Variants in DGKH observed in about 807,000 individuals in gnomAD.
DGKH encodes DAG kinase eta.
DGKH carries 90 observed loss-of-function variants against 159.3 expected under a neutral mutation model. That is an observed-to-expected ratio of 0.57 (90% CI 0.48 to 0.67). The LOEUF (loss-of-function observed/expected upper bound fraction) is 0.67. Among genes scored for constraint, DGKH ranks in the 30% least tolerant of loss-of-function variants. The pLI, the probability that DGKH is intolerant of heterozygous loss-of-function variation, is 0.00. For synonymous variants in DGKH, 536 were observed against 553.8 expected (o/e 0.97, Z 0.45); for missense variants, 1,181 against 1,506.1 (o/e 0.78, Z 3.57).
chr13:42,157,290 C>T (rs1221534792), intron 5 of DGKH, among the ~76,000 whole-genome samples: 1 of 152,108 alleles, frequency 6.6e-6, no homozygotes, highest in Non-Finnish European at 1.5e-5. Flanking sequence ...TTACTAAAAT[C>T]TTTATTCCAA....
chr13:42,086,928 G>A (rs1269288719), intron 1 of DGKH, among the ~76,000 whole-genome samples: 1 of 152,092 alleles, frequency 6.6e-6, no homozygotes, highest in Non-Finnish European at 1.5e-5. Context: ...AGAGAGTTGG[G>A]AACCACACAG....
At chr13:42,245,640 C>T (rs60635188), downstream of DGKH, among the ~76,000 whole-genome samples, 14,655 of 151,934 alleles carry the variant, frequency 0.096, 780 homozygotes, top group Non-Finnish European at 0.11. Context: ...GGCTGGAGTG[C>T]AGTGGTGTGA....
At position 42,108,472 on chromosome 13, in the gene DGKH, A is replaced by G. The variant is rs568136064; in HGVS notation, c.193-18991A>G. On this transcript the variant is annotated intron_variant, in intron 1 of 29. Coordinates refer to ENST00000337343, the MANE Select transcript of DGKH (RefSeq NM_178009.5). ...TGAATTCATTTGGAATTCCGTATAG[A>G]GTGACTTTTACCCAGTGCCGTGTAG... 4.6e-5 allele frequency among the ~76,000 whole-genome samples: 7 copies of G among 152,300 alleles called. No individual in the cohort carries two copies. In the South Asian group the frequency reaches 1.2e-3, roughly 27 times the overall value.
Position 42,219,741 on chromosome 13 carries a change from TGCCA to T in DGKH, c.3390_3393del (p.Pro1131SerfsTer70). On this transcript the variant is annotated frameshift_variant, in exon 28 of 30. Transcript: ENST00000337343. LOFTEE classifies it high-confidence loss of function. ...AACAGAAGCACCGTATTTCGAATAGTGCCAAAGTTTAAAAAGGAAAAGGTTCAGA... is the reference window on the plus strand; with the variant it reads ...AACAGAAGCACCGTATTTCGAATAGTAAGTTTAAAAAGGAAAAGGTTCAGA... The T allele has an allele frequency of 1.2e-6, 2 of 1,613,768 alleles. No homozygotes were observed. Among genetic ancestry groups the T allele is most frequent in the Non-Finnish European group, 1.7e-6 (2 of 1,179,816 alleles).
At position 42,219,823 on chromosome 13, in the gene DGKH, T is replaced by C. The variant is rs551630938; in HGVS notation, c.3442+29T>C. ...GGTGGTCCATATGGAAGGGGAAATA[T>C]AACATTATGAAAAAAGAGCTGATTA... On this transcript the variant is annotated intron_variant, in intron 28 of 29. Transcript: ENST00000337343. 15 of 1,587,668 alleles carry C rather than the reference T, an allele frequency of 9.4e-6. No homozygotes were observed. The African/African-American group carries it at 1.1e-4, about 11-fold the overall frequency.
rs1486097925 is a variant in DGKH at position 42,182,587 on chromosome 13, C to T, written c.1538+4367C>T. On this transcript the variant is annotated intron_variant, in intron 13 of 29. Transcript: ENST00000337343. ...ATTTGCTATGTAAATAGTTGTTATA[C>T]TGTATTGTTCAGGGAATGATGACAA... Among the ~76,000 whole-genome samples, 5 of 152,256 alleles carry T rather than the reference C, an allele frequency of 3.3e-5. No homozygotes were observed. In the South Asian group the frequency reaches 1.0e-3, roughly 32 times the overall value.
chr13:42,177,815 C>T (rs1044755378), intron 12 of DGKH, among the ~76,000 whole-genome samples: 2 of 151,816 alleles, frequency 1.3e-5, no homozygotes, highest in Admixed American at 1.3e-4. Context: ...AGTCTTTTGC[C>T]CAATTTTTAT....
rs1361299738 is a variant in DGKH at position 42,220,689 on chromosome 13, T to A, written c.3443-575T>A. ...TGAAAATAACGTAATCCAACTAATG[T>A]CAGAGAGCAGTGCTATGGACTTTTT... On this transcript the variant is annotated intron_variant, in intron 28 of 29. Coordinates refer to ENST00000337343, the MANE Select transcript of DGKH (RefSeq NM_178009.5). 3.9e-5 allele frequency among the ~76,000 whole-genome samples: 6 copies of A among 152,206 alleles called. No individual in the cohort carries two copies. The East Asian group carries it at 9.6e-4, about 24-fold the overall frequency.
chr13:42,189,488 T>G (rs934774380), intron 15 of DGKH, among the ~76,000 whole-genome samples, 179 bp downstream of exon 15: 1 of 152,144 alleles, frequency 6.6e-6, no homozygotes, highest in African/African-American at 2.4e-5. Context: ...GTTATGGTAG[T>G]AGTAAGAATC....
chr13:42,104,584 C>T (rs1954712233), intron 1 of DGKH, among the ~76,000 whole-genome samples: 1 of 152,136 alleles, frequency 6.6e-6, no homozygotes, highest in Non-Finnish European at 1.5e-5. Flanking sequence ...AGTTGCATCC[C>T]TCATTTCCGC....
In DGKH at chr13:42,221,322, G is replaced by C; in HGVS notation, c.3501G>C (p.Glu1167Asp). Residue 1167 changes from glutamate (E) to aspartate (D), a missense_variant, in exon 29 of 30, where the codon GAG becomes GAC. Coordinates refer to ENST00000337343, the MANE Select transcript of DGKH (RefSeq NM_178009.5). The stretch of plus-strand genomic sequence containing the variant: ...GGCTGGATCTGCTCAATTTGGGAGA[G>C]TACAAAGATATCTTCATCCGTCATG... ...AAWLDLLNLG[E>D]YKDIFIRHDI... 3 of 1,613,742 alleles carry C rather than the reference G, an allele frequency of 1.9e-6. No homozygotes were observed. The South Asian group carries it at 3.3e-5, about 18-fold the overall frequency.
intron 3 of DGKH, among the ~76,000 whole-genome samples, chr13:42,148,887 C>A (rs1955804389): frequency 6.6e-6 from 1 of 151,822 alleles, no homozygotes; most frequent in Non-Finnish European, 1.5e-5. Flanking sequence ...TTCTTCCCCG[C>A]CGACATACAC....
chr13:42,155,439 A>G, intron 4 of DGKH, 44 bp downstream of exon 4: 2 of 1,576,080 alleles, frequency 1.3e-6, no homozygotes, highest in Non-Finnish European at 1.7e-6. Flanking sequence ...TTAGGAAATA[A>G]ATGTTAACCA....
chr13:42,243,997 T>C (rs1958555967), downstream of DGKH, among the ~76,000 whole-genome samples: 1 of 152,142 alleles, frequency 6.6e-6, no homozygotes, highest in African/African-American at 2.4e-5. Flanking sequence ...AGGGAACAGA[T>C]CTCAGAAATA....
At chr13:42,209,190 A>G in intron 22 of DGKH, 118 bp downstream of exon 22, 1 of 1,368,422 alleles carries the variant, frequency 7.3e-7, no homozygotes, top group Middle Eastern at 1.9e-4. Flanking sequence ...TTGTTGTCAT[A>G]TCAGTTTTTA....
chr13:42,169,320 TC>T (rs773332027), intron 11 of DGKH, among the ~76,000 whole-genome samples: 2 of 152,176 alleles, frequency 1.3e-5, no homozygotes, highest in Non-Finnish European at 2.9e-5. Flanking sequence ...AGCAGTCCTT[TC>T]CCAGGGGCAG....
Position 42,198,491 on chromosome 13 carries a change from A to G in DGKH, c.2181A>G (p.Gly727=). The G allele has an allele frequency of 6.2e-7, 1 of 1,613,732 alleles. No homozygotes were observed. Among genetic ancestry groups the G allele is most frequent in the East Asian group, 2.2e-5 (1 of 44,876 alleles). ...TRIICPGLRA[G]LAASIAGSSI... ...TTTTCTTTCCAGGTTTAAGAGCAGG[A>G]CTGGCTGCCTCAATTGCTGGGAGTT... Residue 727 remains glycine (G), a synonymous_variant, in exon 18 of 30, where the codon GGA becomes GGG. Coordinates refer to ENST00000337343, the MANE Select transcript of DGKH (RefSeq NM_178009.5).
chr13:42,176,435 A>G (rs1956604979), intron 12 of DGKH, among the ~76,000 whole-genome samples: 1 of 152,104 alleles, frequency 6.6e-6, no homozygotes, highest in African/African-American at 2.4e-5. Context: ...AGTAAGGTGG[A>G]TTTGTGGGTA....
At chr13:42,107,467 T>C (rs900532526) in intron 1 of DGKH, among the ~76,000 whole-genome samples, 1 of 152,210 alleles carries the variant, frequency 6.6e-6, no homozygotes, top group South Asian at 2.1e-4. Flanking sequence ...GTTCTGTAGT[T>C]GATGAACAAC....
Sources: allele counts gnomAD v4.1 joint callset (sites outside exome capture counted in the v4.1 genomes callset), GRCh38; gene constraint gnomAD v4.1.1; transcripts MANE v1.5; gene names NCBI Gene and HGNC (gene_info 2026-07-23, HGNC 2026-07-21).